The following GPHN variants were observed in gnomAD, a reference collection of about 807,000 sequenced individuals.
The protein encoded by GPHN is gephyrin.
GPHN carries 17 observed loss-of-function variants against 95.5 expected under a neutral mutation model. The observed-to-expected ratio is 0.18, with a 90% CI of 0.12 to 0.27. The LOEUF (loss-of-function observed/expected upper bound fraction) is 0.27. GPHN is among the 10% of genes least tolerant of loss of function. The probability of loss-of-function intolerance (pLI) is 1.00; values close to 1 mark genes in which losing one functional copy is unlikely to be tolerated. For missense variants in GPHN, 660 were observed against 978.1 expected (o/e 0.67, Z 4.34); for synonymous variants, 320 against 322.5 (o/e 0.99, Z 0.08).
chr14:67,140,889 A>G (rs985987095), intron 17 of GPHN, among the ~76,000 whole-genome samples: 2 of 152,248 alleles, frequency 1.3e-5, no homozygotes, highest in African/African-American at 4.8e-5. Flanking sequence ...TGTTCAAAAT[A>G]CATAGGTCAA....
chr14:67,658,947 C>CAT, the GPHN span, among the ~76,000 whole-genome samples: 1 of 152,182 alleles, frequency 6.6e-6, no homozygotes, highest in Admixed American at 6.5e-5. Flanking sequence ...TTTCAGTCTG[C>CAT]ACTGGTGGGC....
chr14:67,688,364 ACAATTAAGGG>A, the GPHN span, among the ~76,000 whole-genome samples: 2 of 152,228 alleles, frequency 1.3e-5, no homozygotes, highest in African/African-American at 2.4e-5. Flanking sequence ...CACAGCCAAT[ACAATTAAGGG>A]GTAAATCCAT....
the GPHN span, among the ~76,000 whole-genome samples, chr14:67,306,938 C>T: frequency 6.6e-6 from 1 of 152,140 alleles, no homozygotes; most frequent in Non-Finnish European, 1.5e-5. Flanking sequence ...CAGATATCTT[C>T]CTGATTTATG....
the GPHN span, among the ~76,000 whole-genome samples, chr14:67,321,603 A>C: frequency 6.6e-6 from 1 of 152,184 alleles, no homozygotes; most frequent in Non-Finnish European, 1.5e-5. Context: ...AAATTCATTT[A>C]TCTTTTATAT....
chr14:67,563,010 C>A, the GPHN span: 13,120 of 1,085,418 alleles, frequency 0.012, 121 homozygotes, highest in Middle Eastern at 0.026. Context: ...TCATGGTGGC[C>A]CTGGCAGGCA....
intron 8 of GPHN, among the ~76,000 whole-genome samples, chr14:66,925,476 G>T (rs941345593): frequency 6.6e-6 from 1 of 151,718 alleles, no homozygotes. Context: ...CTTTATCTCC[G>T]TGAGTTCAAT....
chr14:67,074,112 T>C (rs2076408007), intron 11 of GPHN, among the ~76,000 whole-genome samples: 1 of 152,214 alleles, frequency 6.6e-6, no homozygotes, highest in Middle Eastern at 3.5e-3. Context: ...TTTTAGTATC[T>C]CATAAATAGC....
chr14:66,965,117 A>G (rs1259783375), intron 8 of GPHN, 74 bp from the exon 9 acceptor site: 1 of 1,306,884 alleles, frequency 7.7e-7, no homozygotes, highest in Admixed American at 1.7e-5. Flanking sequence ...AGAATGCTAA[A>G]ACAAAGGGGG....
the GPHN span, chr14:67,448,038 T>C: frequency 0.5 from 75,062 of 151,424 alleles, 21,240 homozygotes; most frequent in African/African-American, 0.78. Flanking sequence ...CCCCATCAAA[T>C]TTTGCATGAG....
the GPHN span, among the ~76,000 whole-genome samples, chr14:67,459,206 AT>A: frequency 6.6e-6 from 1 of 150,834 alleles, no homozygotes; most frequent in Non-Finnish European, 1.5e-5. Context: ...AATTTTTTAA[AT>A]TTTTTTTGTA....
At chr14:67,013,140 TTTA>T (rs1179654639) in intron 9 of GPHN, among the ~76,000 whole-genome samples, 1 of 151,980 alleles carries the variant, frequency 6.6e-6, no homozygotes, top group Non-Finnish European at 1.5e-5. Flanking sequence ...CATACTCTTT[TTTA>T]TTATTATTAT....
At chr14:67,287,596 C>T in the GPHN span, among the ~76,000 whole-genome samples, 3 of 152,088 alleles carry the variant, frequency 2.0e-5, no homozygotes, top group African/African-American at 4.8e-5. Flanking sequence ...TCATGTGCAA[C>T]GCTGGTAGGG....
intron 13 of GPHN, among the ~76,000 whole-genome samples, chr14:67,101,914 C>G (rs2077721040): frequency 6.6e-6 from 1 of 151,458 alleles, no homozygotes; most frequent in African/African-American, 2.4e-5. Flanking sequence ...CTCTGTTGCC[C>G]AGGCTGGAGT....
At chr14:67,599,222 C>T in the GPHN span, among the ~76,000 whole-genome samples, 1 of 152,190 alleles carries the variant, frequency 6.6e-6, no homozygotes, top group African/African-American at 2.4e-5. Context: ...ATAATACATT[C>T]AATTCAGGCA....
the GPHN span, chr14:67,575,741 T>G: frequency 1.9e-6 from 2 of 1,040,844 alleles, no homozygotes; most frequent in Admixed American, 2.2e-5. Context: ...ATTCCCAGCT[T>G]CACGGAGCCT....
chr14:66,515,441 G>A (rs376832174), intron 1 of GPHN, among the ~76,000 whole-genome samples: 23 of 152,100 alleles, frequency 1.5e-4, no homozygotes, highest in African/African-American at 4.3e-4. Context: ...TATTTATAAC[G>A]ATGTGTGTTT....
At chr14:67,316,611 T>C in the GPHN span, among the ~76,000 whole-genome samples, 11 of 152,318 alleles carry the variant, frequency 7.2e-5, no homozygotes, top group Middle Eastern at 3.4e-3. Context: ...GTAGATGATA[T>C]GTATTCTAAT....
the GPHN span, among the ~76,000 whole-genome samples, chr14:67,403,878 G>A: frequency 6.6e-6 from 1 of 152,202 alleles, no homozygotes; most frequent in South Asian, 2.1e-4. Context: ...ATAGTGAGAA[G>A]TCATTTCTAC....
intron 10 of GPHN, among the ~76,000 whole-genome samples, chr14:67,025,812 T>C (rs1265337853): frequency 6.6e-6 from 1 of 152,196 alleles, no homozygotes. Context: ...GCCATGCCAT[T>C]ATATGACTTA....
Sources: gnomAD v4.1 joint callset for allele counts (sites outside exome capture counted in the v4.1 genomes callset) on GRCh38, gnomAD v4.1.1 for gene constraint, MANE v1.5 for transcripts, NCBI Gene and HGNC (gene_info 2026-07-23, HGNC 2026-07-21) for gene names.